PCDH15: variants seen among roughly 807,000 people sequenced by gnomAD.
The protein encoded by PCDH15 is protocadherin-15.
In PCDH15, 129 loss-of-function variants were observed where a neutral mutation model predicts 178.5. That is an observed-to-expected ratio of 0.72 (90% CI 0.63 to 0.84). PCDH15 has a LOEUF of 0.84. PCDH15 is among the 40% of genes least tolerant of loss of function. PCDH15 has a pLI of 0.00. For missense variants in PCDH15, 2,230 were observed against 2,099.9 expected (o/e 1.06, Z -1.21); for synonymous variants, 800 against 732.0 (o/e 1.09, Z -1.50).
chr10:53,925,463 C>T (rs555657898), intron 25 of PCDH15, among the ~76,000 whole-genome samples: 1 of 152,162 alleles, frequency 6.6e-6, no homozygotes, highest in Non-Finnish European at 1.5e-5. Flanking sequence ...TTTTAGAACC[C>T]TAACACTCAC....
intron 3 of PCDH15, among the ~76,000 whole-genome samples, chr10:54,518,450 G>A (rs529779865): frequency 3.3e-4 from 50 of 152,026 alleles, no homozygotes; most frequent in African/African-American, 1.1e-3. Context: ...CAAATAAACT[G>A]GAAAATCTAG....
intron 8 of PCDH15, among the ~76,000 whole-genome samples, chr10:54,284,972 T>C (rs1011662953): frequency 3.1e-4 from 47 of 152,156 alleles, no homozygotes; most frequent in Non-Finnish European, 5.6e-4. Context: ...ATGAAAATAA[T>C]ACAAGTAAAA....
chr10:55,084,468 A>AAAAAAAAAAAAAAAAAAAC, intron 2 of PCDH15, among the ~76,000 whole-genome samples: 1 of 151,664 alleles, frequency 6.6e-6, no homozygotes, highest in East Asian at 1.9e-4. Flanking sequence ...GCTGTAAAAA[A>AAAAAAAAAAAAAAAAAAAC]AAAACTAAAA....
At chr10:54,895,064 T>C (rs1954523610) in intron 3 of PCDH15, among the ~76,000 whole-genome samples, 1 of 152,214 alleles carries the variant, frequency 6.6e-6, no homozygotes, top group Non-Finnish European at 1.5e-5. Flanking sequence ...TTCATTCTTT[T>C]ATCTTTTAAA....
rs550421584 is a variant in PCDH15, at chr10:54,020,761, G to A, written c.2527-345C>T. Among the ~76,000 whole-genome samples, 340 of 144,092 alleles carry A rather than the reference G, an allele frequency of 2.4e-3. 2 individuals carry two copies. Among genetic ancestry groups the A allele is most frequent in the African/African-American group, 9.4e-3 (328 of 35,036 alleles). 94.5% of individuals were successfully genotyped at this position (144,092 alleles called of 152,430 possible). A position where few individuals can be genotyped will look rare whatever the true frequency, so the allele number is the denominator to read the frequency against. ...AAATCACTAAATGAACTATATCACA[G>A]TAAAAAAATAAATATTGTCTTAAAT... On this transcript the variant is annotated intron_variant, in intron 19 of 37. Coordinates refer to ENST00000644397, the MANE Select transcript of PCDH15 (RefSeq NM_001384140.1).
chr10:54,034,064 ATTG>A (rs758091167), intron 18 of PCDH15, among the ~76,000 whole-genome samples: 141 of 152,022 alleles, frequency 9.3e-4, no homozygotes, highest in Middle Eastern at 6.8e-3. Flanking sequence ...TGACAGCCAG[ATTG>A]GATTCTCTGT....
intron 2 of PCDH15, among the ~76,000 whole-genome samples, chr10:54,929,738 A>G (rs552012751): frequency 6.6e-6 from 1 of 152,268 alleles, no homozygotes; most frequent in Non-Finnish European, 1.5e-5. Flanking sequence ...AATATTAGAA[A>G]ATGTGTTGTC....
chr10:53,916,160 A>G (rs932420116), intron 25 of PCDH15, among the ~76,000 whole-genome samples: 1 of 152,180 alleles, frequency 6.6e-6, no homozygotes, highest in Non-Finnish European at 1.5e-5. Flanking sequence ...AATTCTGTGC[A>G]TGTTCATTGT....
At chr10:54,016,572 C>T (rs2092747129) in intron 20 of PCDH15, among the ~76,000 whole-genome samples, 1 of 152,140 alleles carries the variant, frequency 6.6e-6, no homozygotes, top group Non-Finnish European at 1.5e-5. Context: ...GAGATCATGT[C>T]CTTTGCAGCA....
chr10:55,349,040 G>T (rs1844837777), intron 2 of PCDH15, among the ~76,000 whole-genome samples: 2 of 152,134 alleles, frequency 1.3e-5, no homozygotes, highest in Admixed American at 6.6e-5. Flanking sequence ...GTGACAGATT[G>T]CATGGACTTG....
intron 10 of PCDH15, among the ~76,000 whole-genome samples, chr10:54,208,743 G>A (rs760698798): frequency 3.9e-5 from 6 of 151,990 alleles, no homozygotes; most frequent in Admixed American, 2.6e-4. Flanking sequence ...GTGTGCGTGT[G>A]CATGTGTGTT....
Position 54,436,031 on chromosome 10 carries a change from GGA to G in PCDH15, c.158-57091_158-57090del, listed in dbSNP as rs753698148. 9.1e-3 allele frequency among the ~76,000 whole-genome samples: 315 copies of G among 34,570 alleles called. 2 individuals carry two copies. The highest frequency in any genetic ancestry group is 0.043 in the South Asian group (67 of 1,568). 22.7% of individuals were successfully genotyped at this position (34,570 alleles called of 152,430 possible). A position where few individuals can be genotyped will look rare whatever the true frequency, so the allele number is the denominator to read the frequency against. ...GGAGAGGAGAGGAGAGGAGAGGAGA[GGA>G]GAGAGAGAGAGAGAGAGAAAAGAAA... On this transcript the variant is annotated intron_variant, in intron 3 of 37. Coordinates refer to ENST00000644397, the MANE Select transcript of PCDH15 (RefSeq NM_001384140.1).
intron 26 of PCDH15, among the ~76,000 whole-genome samples, chr10:53,878,181 G>GCACACACACA (rs71004486): frequency 0.047 from 5,808 of 124,840 alleles, 174 homozygotes; most frequent in Middle Eastern, 0.076. Flanking sequence ...CTATACTATG[G>GCACACACACA]CACACACACA....
intron 2 of PCDH15, among the ~76,000 whole-genome samples, chr10:55,079,525 T>C (rs1434720363): frequency 6.6e-6 from 1 of 152,116 alleles, no homozygotes; most frequent in Non-Finnish European, 1.5e-5. Context: ...TGAACCCCAG[T>C]GTAGCTTATT....
chr10:54,243,525 A>C (rs1321262115), intron 8 of PCDH15, among the ~76,000 whole-genome samples: 1 of 152,128 alleles, frequency 6.6e-6, no homozygotes, highest in Non-Finnish European at 1.5e-5. Context: ...AAGTTAGTGA[A>C]CATTATTAGT....
chr10:54,306,199 C>G (rs577091194), intron 8 of PCDH15, among the ~76,000 whole-genome samples: 1 of 152,132 alleles, frequency 6.6e-6, no homozygotes, highest in East Asian at 1.9e-4. Context: ...AGCTGCCTTG[C>G]ATCCATTTCC....
intron 1 of PCDH15, among the ~76,000 whole-genome samples, chr10:54,715,668 C>T (rs76913664): frequency 0.12 from 18,495 of 151,922 alleles, 1,251 homozygotes; most frequent in African/African-American, 0.17. Context: ...GCTTCAGTTG[C>T]CATTCTTTTC....
intron 8 of PCDH15, among the ~76,000 whole-genome samples, chr10:54,298,424 C>G (rs538357901): frequency 2.0e-5 from 3 of 152,268 alleles, no homozygotes; most frequent in African/African-American, 7.2e-5. Flanking sequence ...TAGTCATGGC[C>G]CTCAGACAAA....
At chr10:54,599,742 A>AGAC in intron 2 of PCDH15, 1 of 478,718 alleles carries the variant, frequency 2.1e-6, no homozygotes, top group Non-Finnish European at 4.0e-6. Flanking sequence ...AGGAAGAAGA[A>AGAC]GAGGAGGTAA....
Sources: gnomAD v4.1 joint callset for allele counts (sites outside exome capture counted in the v4.1 genomes callset) on GRCh38, gnomAD v4.1.1 for gene constraint, MANE v1.5 for transcripts, NCBI Gene and HGNC (gene_info 2026-07-23, HGNC 2026-07-21) for gene names.